The following KCNIP1 variants were observed in gnomAD, a reference collection of about 807,000 sequenced individuals.
KCNIP1 encodes potassium voltage-gated channel interacting protein 1.
In KCNIP1, 18 loss-of-function variants were observed where a neutral mutation model predicts 33.0. The observed-to-expected ratio is 0.55, with a 90% CI of 0.38 to 0.81. KCNIP1 has a LOEUF of 0.81. Ranked by LOEUF, KCNIP1 falls within the 30% of genes least tolerant of loss-of-function variation. The probability of loss-of-function intolerance (pLI) is 0.00; values close to 1 mark genes in which losing one functional copy is unlikely to be tolerated. For missense variants in KCNIP1, 238 were observed against 271.6 expected, an observed-to-expected ratio of 0.88 and a Z score of 0.87; for synonymous variants, 93 against 98.3, an observed-to-expected ratio of 0.95 and a Z score of 0.32.
rs1364373009 is a variant in KCNIP1, at chr5:170,436,881, G to A, written c.88+82917G>A. Among the ~76,000 whole-genome samples, 5 of 152,170 alleles carry A rather than the reference G, an allele frequency of 3.3e-5. No individual in the cohort carries two copies. In the East Asian group the frequency reaches 9.6e-4, roughly 29 times the overall value. ...GTTTTAAAAGTGCATCTGTAGGGGA[G>A]AAAAGATTTCTTTCCTCATCCATCA... is the stretch of plus-strand genomic sequence containing the variant. On this transcript the variant is annotated intron_variant, in intron 1 of 7. Coordinates refer to the KCNIP1 transcript ENST00000377360.
chr5:170,524,106 A>G (rs1440565678), intron 1 of KCNIP1, among the ~76,000 whole-genome samples: 1 of 152,112 alleles, frequency 6.6e-6, no homozygotes, highest in Non-Finnish European at 1.5e-5. Flanking sequence ...CCTGGGGACC[A>G]GCCTCCCACT....
intron 1 of KCNIP1, among the ~76,000 whole-genome samples, chr5:170,690,166 C>G (rs913280618): frequency 5.9e-5 from 9 of 152,150 alleles, no homozygotes; most frequent in Admixed American, 5.2e-4. Context: ...AATGACGGCC[C>G]TAAGCAGGGA....
chr5:170,418,738 G>A (rs1014464140), intron 1 of KCNIP1, among the ~76,000 whole-genome samples: 10 of 152,042 alleles, frequency 6.6e-5, no homozygotes, highest in African/African-American at 1.4e-4. Flanking sequence ...CAAAAAGCCC[G>A]TCCCACCTCC....
intron 1 of KCNIP1, among the ~76,000 whole-genome samples, chr5:170,477,253 G>T (rs1756876283): frequency 6.6e-6 from 1 of 151,370 alleles, no homozygotes; most frequent in South Asian, 2.1e-4. Context: ...ATATCAGAAA[G>T]TATATGTTAC....
intron 1 of KCNIP1, among the ~76,000 whole-genome samples, chr5:170,545,665 T>G (rs955419569): frequency 2.0e-5 from 3 of 152,208 alleles, no homozygotes; most frequent in East Asian, 3.8e-4. Context: ...TAAACCCATA[T>G]AGTAAGTTTG....
chr5:170,722,212 A>G (rs1482605571), intron 4 of KCNIP1, among the ~76,000 whole-genome samples: 1 of 152,184 alleles, frequency 6.6e-6, no homozygotes, highest in Non-Finnish European at 1.5e-5. Flanking sequence ...AATTCCCACA[A>G]TAACCCTATA....
chr5:170,696,593 T>G (rs1762902948), intron 1 of KCNIP1, among the ~76,000 whole-genome samples: 1 of 152,138 alleles, frequency 6.6e-6, no homozygotes, highest in African/African-American at 2.4e-5. Flanking sequence ...ATGGGCACCA[T>G]GCACATTGTA....
chr5:170,419,325 G>A (rs968045932), intron 1 of KCNIP1, among the ~76,000 whole-genome samples: 1 of 152,202 alleles, frequency 6.6e-6, no homozygotes, highest in African/African-American at 2.4e-5. Context: ...AATCAGAGAG[G>A]TGGAGGAAGG....
At chr5:170,410,893 C>G (rs1755169219) in intron 1 of KCNIP1, among the ~76,000 whole-genome samples, 2 of 152,156 alleles carry the variant, frequency 1.3e-5, no homozygotes, top group South Asian at 4.1e-4. Flanking sequence ...GCAGGTGAAA[C>G]TCCAGAGTCC....
intron 1 of KCNIP1, among the ~76,000 whole-genome samples, chr5:170,495,894 C>T (rs1005026549): frequency 1.1e-4 from 16 of 152,294 alleles, no homozygotes; most frequent in African/African-American, 3.4e-4. Context: ...CCCATTCCTT[C>T]CTCCTTCCCT....
chr5:170,511,453 C>T (rs1309234037), intron 1 of KCNIP1, among the ~76,000 whole-genome samples: 10 of 152,204 alleles, frequency 6.6e-5, no homozygotes, highest in African/African-American at 2.2e-4. Flanking sequence ...TTCCAGCCCT[C>T]TGAGATCCCG....
At chr5:170,694,157 G>T (rs1762815993) in intron 1 of KCNIP1, among the ~76,000 whole-genome samples, 1 of 152,118 alleles carries the variant, frequency 6.6e-6, no homozygotes, top group South Asian at 2.1e-4. Context: ...TTTTTCAGAA[G>T]TAATTAGAAT....
At chr5:170,660,764 C>T (rs1370084374) in intron 1 of KCNIP1, among the ~76,000 whole-genome samples, 2 of 152,256 alleles carry the variant, frequency 1.3e-5, no homozygotes, top group African/African-American at 2.4e-5. Context: ...CCAGTCTATC[C>T]CTCCTTCCAC....
chr5:170,623,787 T>G (rs4867620), intron 1 of KCNIP1, among the ~76,000 whole-genome samples: 17,869 of 152,148 alleles, frequency 0.12, 1,206 homozygotes, highest in African/African-American at 0.18. Context: ...TGATGTCAAG[T>G]GCGGGGCCCA....
At chr5:170,696,016 C>CAAAAAAAAAAAAAAAAAA (rs34474795) in intron 1 of KCNIP1, among the ~76,000 whole-genome samples, 18 of 93,948 alleles carry the variant, frequency 1.9e-4, no homozygotes, top group African/African-American at 4.5e-4. Context: ...GACTCTGTCT[C>CAAAAAAAAAAAAAAAAAA]AAAAAAAAAA....
chr5:170,393,140 TC>T (rs1468434088), intron 1 of KCNIP1, among the ~76,000 whole-genome samples: 1 of 152,170 alleles, frequency 6.6e-6, no homozygotes, highest in Non-Finnish European at 1.5e-5. Flanking sequence ...CCACAGCCCG[TC>T]CCTGCCCCTC....
At position 170,452,216 on chromosome 5, in the gene KCNIP1, G is replaced by C. The variant is rs553167257; in HGVS notation, c.88+98252G>C. 4.6e-4 allele frequency among the ~76,000 whole-genome samples: 70 copies of C among 152,316 alleles called. 2 individuals are homozygous for C. In the South Asian group the frequency reaches 0.014, roughly 31 times the overall value. On this transcript the variant is annotated intron_variant, in intron 1 of 7. Transcript: ENST00000377360. ...ACCTCTGACAGTGGTTGGGTAATGG[G>C]CTGAATCACCCAATGGAGACAGAAT...
intron 1 of KCNIP1, among the ~76,000 whole-genome samples, chr5:170,447,015 T>C (rs543496809): frequency 1.3e-5 from 2 of 152,348 alleles, no homozygotes; most frequent in African/African-American, 4.8e-5. Flanking sequence ...TCTCTCCCAT[T>C]TGATGTTTCA....
intron 1 of KCNIP1, among the ~76,000 whole-genome samples, chr5:170,448,258 C>T (rs1357001024): frequency 6.6e-6 from 1 of 152,252 alleles, no homozygotes; most frequent in Non-Finnish European, 1.5e-5. Context: ...CATGGAGCAG[C>T]TTCAGTTTTT....
Sources: allele counts gnomAD v4.1 joint callset (sites outside exome capture counted in the v4.1 genomes callset), GRCh38; gene constraint gnomAD v4.1.1; transcripts MANE v1.5; gene names NCBI Gene and HGNC (gene_info 2026-07-23, HGNC 2026-07-21).